The following ART5 variants were observed in gnomAD, a reference collection of about 807,000 sequenced individuals.
ART5 encodes ADP-ribosyltransferase 5.
In ART5, 22 loss-of-function variants were observed where a neutral mutation model predicts 25.0. The observed-to-expected ratio is 0.88, with a 90% confidence interval of 0.63 to 1.26. ART5 has a LOEUF of 1.26. Ranked by LOEUF, ART5 falls within the 50% of genes most tolerant of loss-of-function variation. ART5 has a pLI of 0.00. For missense variants in ART5, 402 were observed against 372.8 expected (o/e 1.08, Z -0.64); for synonymous variants, 161 against 154.8 (o/e 1.04, Z -0.30).
Position 3,641,800 on chromosome 11 carries a change from A to C in ART5, c.57+6T>G, listed in dbSNP as rs373955185. 1.0e-4 allele frequency: 159 copies of C among 1,574,704 alleles called. No homozygotes were observed. The highest frequency in any genetic ancestry group is 1.3e-4 in the Non-Finnish European group (150 of 1,160,288). On this transcript the variant is annotated splice_donor_region_variant and intron_variant, in intron 1 of 3. Coordinates refer to ENST00000397068, the MANE Select transcript of ART5 (RefSeq NM_053017.5). Reference sequence around the variant, plus strand: ...CTTGGGGCTAGGAGATGGTTCCTGGAGTTACCTGCCAGGTGTGGAGGCCGA... The same window carrying C: ...CTTGGGGCTAGGAGATGGTTCCTGGCGTTACCTGCCAGGTGTGGAGGCCGA...
At position 3,639,907 on chromosome 11, in the gene ART5, G is replaced by T. The variant is rs17851204; in HGVS notation, c.522C>A (p.Asp174Glu). The change falls in exon 2 of 4, where the codon GAC becomes GAA. Residue 174 changes from aspartate (D) to glutamate (E), a missense_variant. Coordinates refer to ENST00000397068, the MANE Select transcript of ART5 (RefSeq NM_053017.5). ...SLRFEPKRLG[D>E]SVRLGQFASS... ...AGGCAAACTGGCCCAAGCGGACAGA[G>T]TCTCCCAGCCTCTTGGGTTCAAAGC... 3 of 1,614,176 alleles carry T rather than the reference G, an allele frequency of 1.9e-6. No homozygotes were observed. In the East Asian group the frequency reaches 6.7e-5, roughly 36 times the overall value.
Position 3,640,248 on chromosome 11 carries a change from G to T in ART5, c.181C>A (p.His61Asn), listed in dbSNP as rs762928655. The change falls in exon 2 of 4, where the codon CAT becomes AAT. Residue 61 changes from histidine (H) to asparagine (N), a missense_variant. Coordinates refer to ENST00000397068, the MANE Select transcript of ART5 (RefSeq NM_053017.5). The part of the protein sequence containing the change: ...APLLKEEMAH[H>N]ALLRESWEAA... Reference sequence around the variant, plus strand: ...TCCCAGGATTCCCGCAGCAGGGCATGGTGGGCCATTTCCTCCTTTAGCAGG... The same window carrying T: ...TCCCAGGATTCCCGCAGCAGGGCATTGTGGGCCATTTCCTCCTTTAGCAGG... The T allele has an allele frequency of 1.2e-6, 2 of 1,613,784 alleles. No individual in the cohort carries two copies. The highest frequency in any genetic ancestry group is 2.2e-5 in the South Asian group (2 of 91,088).
rs1358931462 is a variant in ART5, at chr11:3,639,748, AT to A, written c.680del (p.His227LeufsTer18). ...AGAATCTGGTAACCAAAAAGACTTC[AT>A]GGGGGGGAATCAGCACCTCGCGCTC... ...PKEREVLIPP[H>X]EVFLVTRFSQ... On this transcript the variant is annotated frameshift_variant, in exon 2 of 4. Coordinates refer to ENST00000397068, the MANE Select transcript of ART5 (RefSeq NM_053017.5). LOFTEE classifies it high-confidence loss of function. 4 of 1,613,962 alleles carry A rather than the reference AT, an allele frequency of 2.5e-6. No homozygotes were observed. The highest frequency in any genetic ancestry group is 1.3e-5 in the African/African-American group (1 of 74,906).
chr11:3,641,724 G>A lies in ART5; in HGVS notation c.57+82C>T. 4 of 1,541,030 alleles carry A rather than the reference G, an allele frequency of 2.6e-6. No homozygotes were observed. The South Asian group carries it at 4.8e-5, about 18-fold the overall frequency. On this transcript the variant is annotated intron_variant, in intron 1 of 3. Coordinates refer to ENST00000397068, the MANE Select transcript of ART5 (RefSeq NM_053017.5). The stretch of plus-strand genomic sequence containing the variant: ...GGAAGAGTCCCTGGGAGAGGGATGT[G>A]AGGAGTCAGCCCCGGGTCCACTTCC...
chr11:3,641,893 G>A lies in ART5; in HGVS notation c.-31C>T, dbSNP rs1296514144. ...GAGGAGACGTGAGGGCCAGGGGTCC[G>A]GGTGAGGGCGGGACCAGAGGTGCTG... On this transcript the variant is annotated 5_prime_UTR_variant, in exon 1 of 4. Coordinates refer to ENST00000397068, the MANE Select transcript of ART5 (RefSeq NM_053017.5). 2.6e-6 allele frequency: 4 copies of A among 1,552,370 alleles called. No homozygotes were observed. The highest frequency in any genetic ancestry group is 2.1e-5 in the Admixed American group (1 of 48,586).
intron 1 of ART5, among the ~76,000 whole-genome samples, chr11:3,641,343 C>T (rs2077393485): frequency 6.6e-6 from 1 of 152,200 alleles, no homozygotes; most frequent in African/African-American, 2.4e-5. Context: ...TCCTCGGGCT[C>T]TCTTTCCCTC....
At chr11:3,640,486 C>T in intron 1 of ART5, 115 bp from the exon 2 acceptor site, 1 of 1,320,634 alleles carries the variant, frequency 7.6e-7, no homozygotes, top group South Asian at 1.6e-5. Flanking sequence ...CCCTAAATAT[C>T]AGGTATATGC....
At chr11:3,642,038 C>G (rs1036120023), upstream of ART5, 3 of 1,420,598 alleles carry the variant, frequency 2.1e-6, no homozygotes, top group Admixed American at 8.3e-5. Flanking sequence ...TTATTGCCCG[C>G]CCCCCGCCCC....
chr11:3,642,240 T>A (rs1716226314), upstream of ART5: 1 of 1,102,738 alleles, frequency 9.1e-7, no homozygotes, highest in Non-Finnish European at 1.1e-6. Context: ...CGCTGCGCTG[T>A]CCCCGGAGGA....
chr11:3,639,115 C>T, intron 2 of ART5, 80 bp from the exon 3 acceptor site: 1 of 1,443,646 alleles, frequency 6.9e-7, no homozygotes. Context: ...CCTGGCAGGG[C>T]CATTTCCCTT....
chr11:3,639,641 C>G lies in ART5; in HGVS notation c.787+1G>C. 6.2e-7 allele frequency: 1 copy of G among 1,609,094 alleles called. No individual in the cohort carries two copies. Among genetic ancestry groups the G allele is most frequent in the Non-Finnish European group, 8.5e-7 (1 of 1,177,690 alleles). ...TCCTGCTTCCCCCATGCACAGCTTACCACCCAGATAGGCGCAGTTAAAATG... is the reference window on the plus strand; with the variant it reads ...TCCTGCTTCCCCCATGCACAGCTTAGCACCCAGATAGGCGCAGTTAAAATG... On this transcript the variant is annotated splice_donor_variant, in intron 2 of 3. Transcript: ENST00000397068. LOFTEE classifies it high-confidence loss of function.
At position 3,638,701 on chromosome 11, in the gene ART5, G is replaced by A; in HGVS notation, c.*37C>T. Reference sequence around the variant, plus strand: ...GGCCAACATCCTGGTTGGGGAGAAGGCTGCTAGGGCTGGGTCCGGAACCAT... The same window carrying A: ...GGCCAACATCCTGGTTGGGGAGAAGACTGCTAGGGCTGGGTCCGGAACCAT... On this transcript the variant is annotated 3_prime_UTR_variant, in exon 4 of 4. Coordinates refer to ENST00000397068, the MANE Select transcript of ART5 (RefSeq NM_053017.5). The A allele has an allele frequency of 6.2e-7, 1 of 1,613,652 alleles. No individual in the cohort carries two copies. The highest frequency in any genetic ancestry group is 1.1e-5 in the South Asian group (1 of 91,074).
At chr11:3,639,563 C>G (rs750397186) in intron 2 of ART5, 79 bp downstream of exon 2, 2 of 1,514,346 alleles carry the variant, frequency 1.3e-6, no homozygotes, top group East Asian at 4.5e-5. Flanking sequence ...CTCCCGAAGG[C>G]CCCGGGGATT....
intron 2 of ART5, among the ~76,000 whole-genome samples, chr11:3,639,330 G>C (rs1437316901): frequency 6.6e-6 from 1 of 152,208 alleles, no homozygotes; most frequent in East Asian, 1.9e-4. Flanking sequence ...CCTGAGACCT[G>C]AAGCAGTCCC....
chr11:3,642,267 A>T, upstream of ART5: 1 of 1,050,572 alleles, frequency 9.5e-7, no homozygotes, highest in Non-Finnish European at 1.1e-6. Flanking sequence ...AGTCCGGCTG[A>T]AAGCAAAGGT....
intron 3 of ART5, 59 bp downstream of exon 3, chr11:3,638,944 G>T (rs1045186240): frequency 9.5e-6 from 15 of 1,572,998 alleles, no homozygotes; most frequent in South Asian, 3.5e-5. Context: ...AGAGGAGGAA[G>T]GGGTCAGCAG....
chr11:3,640,370 G>A lies in ART5; in HGVS notation c.59C>T (p.Ala20Val), dbSNP rs1353013196. The change falls in exon 2 of 4, where the codon GCC (alanine) becomes GTC (valine). Residue 20 changes from alanine to valine, a missense_variant and splice_region_variant. Transcript: ENST00000397068. ...LGSLGLHTWQAQAVPILPLGL... is the reference protein window; with the variant it reads ...LGSLGLHTWQVQAVPILPLGL... ...CAGGGGCAGGATGGGAACAGCCTGGGCCTGTGGAGCAAAAGAGGTGCCACA... is the reference window on the plus strand; with the variant it reads ...CAGGGGCAGGATGGGAACAGCCTGGACCTGTGGAGCAAAAGAGGTGCCACA... The A allele has an allele frequency of 6.3e-7, 1 of 1,588,622 alleles. No individual in the cohort carries two copies.
chr11:3,641,719 G>T, intron 1 of ART5, 87 bp downstream of exon 1: 1 of 1,539,570 alleles, frequency 6.5e-7, no homozygotes, highest in Non-Finnish European at 8.8e-7. Flanking sequence ...CTGGGAGAGG[G>T]ATGTGAGGAG....
In ART5 at chr11:3,640,376, G is replaced by A. The variant is rs764830568; in HGVS notation, c.58-5C>T. The A allele has an allele frequency of 1.3e-6, 2 of 1,582,466 alleles. No individual in the cohort carries two copies. The highest frequency in any genetic ancestry group is 1.2e-5 in the South Asian group (1 of 86,814). On this transcript the variant is annotated splice_polypyrimidine_tract_variant and splice_region_variant and intron_variant, in intron 1 of 3. Coordinates refer to ENST00000397068, the MANE Select transcript of ART5 (RefSeq NM_053017.5). ...CAGGATGGGAACAGCCTGGGCCTGTGGAGCAAAAGAGGTGCCACACCGAAA... is the reference window on the plus strand; with the variant it reads ...CAGGATGGGAACAGCCTGGGCCTGTAGAGCAAAAGAGGTGCCACACCGAAA...
Sources: gnomAD v4.1 joint callset for allele counts (sites outside exome capture counted in the v4.1 genomes callset) on GRCh38, gnomAD v4.1.1 for gene constraint, MANE v1.5 for transcripts, NCBI Gene and HGNC (gene_info 2026-07-23, HGNC 2026-07-21) for gene names.